Variants in EIF4G3 observed in about 807,000 individuals in gnomAD.
EIF4G3 encodes eukaryotic translation initiation factor 4 gamma 3.
In EIF4G3, 34 loss-of-function variants were observed where a neutral mutation model predicts 186.4. The observed-to-expected ratio is 0.18, with a 90% CI of 0.14 to 0.24. The LOEUF (loss-of-function observed/expected upper bound fraction) is 0.24. Among genes scored for constraint, EIF4G3 ranks in the 10% least tolerant of loss-of-function variants. The probability of loss-of-function intolerance (pLI) is 1.00; values close to 1 mark genes in which losing one functional copy is unlikely to be tolerated. For missense variants in EIF4G3, 1,536 were observed against 1,948.5 expected (o/e 0.79, Z 3.99); for synonymous variants, 673 against 679.5 (o/e 0.99, Z 0.15).
In EIF4G3 at chr1:20,941,575, T is replaced by A. The variant is rs1435103218; in HGVS notation, c.1579A>T (p.Asn527Tyr). 2 of 1,614,184 alleles carry A rather than the reference T, an allele frequency of 1.2e-6. No homozygotes were observed. The highest frequency in any genetic ancestry group is 4.5e-5 in the East Asian group (2 of 44,884). The change falls in exon 14 of 37, where the codon AAC (asparagine) becomes TAC (tyrosine). Residue 527 changes from asparagine (N) to tyrosine (Y), a missense_variant. Physicochemically the swap from Asn to Tyr is moderately radical, Grantham distance 143. Coordinates refer to ENST00000602326, the MANE Select transcript of EIF4G3 (RefSeq NM_001391906.1). Reference sequence around the variant, plus strand: ...CCATCTGCTTCTACCTCTATTTTGTTCTGAATCTCTTTTGCATCTTCACTA... The same window carrying A: ...CCATCTGCTTCTACCTCTATTTTGTACTGAATCTCTTTTGCATCTTCACTA... ...CLSEDAKEIQ[N>Y]KIEVEADGQT...
chr1:21,077,515 G>T (rs900715481), intron 3 of EIF4G3, among the ~76,000 whole-genome samples: 3 of 151,698 alleles, frequency 2.0e-5, no homozygotes, highest in Non-Finnish European at 2.9e-5. Flanking sequence ...TGATCATCAG[G>T]GAAACACAAA....
intron 2 of EIF4G3, among the ~76,000 whole-genome samples, chr1:21,119,931 T>A (rs1184158347): frequency 2.0e-5 from 3 of 152,032 alleles, no homozygotes; most frequent in Non-Finnish European, 4.4e-5. Context: ...TCATTGTGAT[T>A]GTTCTAAAAT....
intron 4 of EIF4G3, among the ~76,000 whole-genome samples, chr1:21,040,223 A>G (rs993096001): frequency 6.6e-6 from 1 of 152,182 alleles, no homozygotes; most frequent in African/African-American, 2.4e-5. Context: ...CCAGTGGCCA[A>G]CAGTTTAACC....
intron 30 of EIF4G3, among the ~76,000 whole-genome samples, chr1:20,830,071 A>G (rs1457518100): frequency 1.3e-5 from 2 of 152,230 alleles, no homozygotes; most frequent in Non-Finnish European, 2.9e-5. Context: ...GAATTTAACT[A>G]CAGGAGACAT....
At chr1:20,940,281 G>A (rs2095667319) in intron 14 of EIF4G3, among the ~76,000 whole-genome samples, 1 of 152,208 alleles carries the variant, frequency 6.6e-6, no homozygotes, top group South Asian at 2.1e-4. Context: ...CCAGATAGTT[G>A]AGGAAACAGG....
At chr1:20,930,051 G>A (rs1038853618) in intron 14 of EIF4G3, among the ~76,000 whole-genome samples, 2 of 152,142 alleles carry the variant, frequency 1.3e-5, no homozygotes, top group Admixed American at 6.6e-5. Context: ...TCTATTAAGT[G>A]TGAAATAGCA....
chr1:20,848,125 C>G (rs2071845575), intron 29 of EIF4G3, among the ~76,000 whole-genome samples: 1 of 151,992 alleles, frequency 6.6e-6, no homozygotes, highest in Non-Finnish European at 1.5e-5. Context: ...TGCCACCACA[C>G]CTGGCTAATT....
intron 7 of EIF4G3, among the ~76,000 whole-genome samples, chr1:20,989,557 C>CAAA (rs71014142): frequency 1.2e-4 from 4 of 34,688 alleles, no homozygotes; most frequent in African/African-American, 2.7e-4. Context: ...AACTCCAACT[C>CAAA]AAAAAAAAAA....
intron 2 of EIF4G3, among the ~76,000 whole-genome samples, chr1:21,146,028 G>C (rs528596865): frequency 8.8e-4 from 134 of 152,172 alleles, no homozygotes; most frequent in African/African-American, 3.2e-3. Context: ...CCAGGAGTTC[G>C]AGGCTGTAGT....
intron 30 of EIF4G3, among the ~76,000 whole-genome samples, chr1:20,835,845 G>C (rs1325049292): frequency 2.6e-5 from 4 of 151,904 alleles, no homozygotes; most frequent in Non-Finnish European, 5.9e-5. Context: ...GTTGAGATGG[G>C]AGGATCACTT....
chr1:21,120,339 T>A (rs987576683), intron 2 of EIF4G3, among the ~76,000 whole-genome samples: 2 of 151,790 alleles, frequency 1.3e-5, no homozygotes, highest in Non-Finnish European at 2.9e-5. Flanking sequence ...ACAATAGCAC[T>A]CCATGTCCTG....
At chr1:20,836,171 T>A (rs891604244) in intron 30 of EIF4G3, among the ~76,000 whole-genome samples, 1 of 152,098 alleles carries the variant, frequency 6.6e-6, no homozygotes, top group African/African-American at 2.4e-5. Flanking sequence ...TTGGTAGAGA[T>A]AGGGTTTCAC....
chr1:21,124,016 C>A lies in EIF4G3; in HGVS notation c.-271-34803G>T, dbSNP rs113528139. Among the ~76,000 whole-genome samples the A allele has an allele frequency of 3.5e-3, 540 of 152,132 alleles. 5 individuals are homozygous for A. Among genetic ancestry groups the A allele is most frequent in the African/African-American group, 0.012 (509 of 41,496 alleles). ...CCTCAAATTCAAGGTGTAGGCCAGG[C>A]ATGGTGGCTCACGCCTGTAATCCCA... is the stretch of plus-strand genomic sequence containing the variant. On this transcript the variant is annotated intron_variant, in intron 2 of 36. Transcript: ENST00000602326.
chr1:20,842,074 A>G (rs1315809501), intron 29 of EIF4G3, among the ~76,000 whole-genome samples: 1 of 152,228 alleles, frequency 6.6e-6, no homozygotes, highest in African/African-American at 2.4e-5. Flanking sequence ...GAGTCATACA[A>G]TATACAACTA....
intron 3 of EIF4G3, among the ~76,000 whole-genome samples, chr1:21,068,375 T>TCAAAAAAAAAAAAA (rs1219542911): frequency 1.5e-5 from 1 of 67,822 alleles, no homozygotes; most frequent in Non-Finnish European, 2.9e-5. Context: ...ACTCTGTCTT[T>TCAAAAAAAAAAAAA]AAAAAAAAAA....
chr1:20,807,243 T>C lies in EIF4G3; in HGVS notation c.*76A>G. 7.0e-7 allele frequency: 1 copy of C among 1,423,946 alleles called. No individual in the cohort carries two copies. Among genetic ancestry groups the C allele is most frequent in the Non-Finnish European group, 9.5e-7 (1 of 1,048,744 alleles). The allele number at this position is 1,423,946 out of a possible 1,614,324, so 88.2% of individuals were successfully genotyped here. A position where few individuals can be genotyped will look rare whatever the true frequency, so the allele number is the denominator to read the frequency against. On this transcript the variant is annotated 3_prime_UTR_variant, in exon 37 of 37. Coordinates refer to ENST00000602326, the MANE Select transcript of EIF4G3 (RefSeq NM_001391906.1). Reference sequence around the variant, plus strand: ...TGCGAGAATTGGCCTTGCTGCACTGTGATTGGCGAAGACGTGAAACTTTTT... The same window carrying C: ...TGCGAGAATTGGCCTTGCTGCACTGCGATTGGCGAAGACGTGAAACTTTTT...
intron 3 of EIF4G3, among the ~76,000 whole-genome samples, chr1:21,052,717 ATTGCAG>A (rs2094304272): frequency 6.6e-6 from 1 of 152,034 alleles, no homozygotes; most frequent in Non-Finnish European, 1.5e-5. Context: ...AGTGCCTGCG[ATTGCAG>A]GCGCGCGCCG....
At chr1:20,807,570 A>T in intron 36 of EIF4G3, 70 bp from the exon 37 acceptor site, 1 of 1,303,950 alleles carries the variant, frequency 7.7e-7, no homozygotes, top group Non-Finnish European at 1.0e-6. Context: ...TATATTTCAA[A>T]ATAATGAATG....
chr1:20,876,706 T>C (rs2080982860), intron 20 of EIF4G3, among the ~76,000 whole-genome samples: 1 of 152,132 alleles, frequency 6.6e-6, no homozygotes, highest in Non-Finnish European at 1.5e-5. Context: ...TAATTTAAAA[T>C]AATCCAGGAG....
Sources: allele counts gnomAD v4.1 joint callset (sites outside exome capture counted in the v4.1 genomes callset), GRCh38; gene constraint gnomAD v4.1.1; transcripts MANE v1.5; gene names NCBI Gene and HGNC (gene_info 2026-07-23, HGNC 2026-07-21).